DLGAP1: variants seen among roughly 807,000 people sequenced by gnomAD.
DLGAP1 encodes disks large-associated protein 1.
A neutral mutation model predicts 90.8 loss-of-function variants in DLGAP1; 11 were observed. The observed-to-expected ratio is 0.12, with a 90% CI of 0.08 to 0.20. The LOEUF (loss-of-function observed/expected upper bound fraction) is 0.20, where lower values mean the gene tolerates loss of function less well. Ranked by LOEUF, DLGAP1 falls within the 10% of genes least tolerant of loss-of-function variation. DLGAP1 has a pLI of 1.00. For synonymous variants in DLGAP1, 558 were observed against 540.7 expected, an observed-to-expected ratio of 1.03 and a Z score of -0.44; for missense variants, 1,050 against 1,333.8, an observed-to-expected ratio of 0.79 and a Z score of 3.31.
chr18:4,287,295 G>T (rs2145480648), intron 1 of DLGAP1, among the ~76,000 whole-genome samples: 1 of 152,258 alleles, frequency 6.6e-6, no homozygotes, highest in South Asian at 2.1e-4. Flanking sequence ...GCTTTTGTGT[G>T]GTGATTCCTC....
intron 2 of DLGAP1, among the ~76,000 whole-genome samples, chr18:4,112,141 T>C (rs1240681433): frequency 6.6e-6 from 1 of 152,064 alleles, no homozygotes; most frequent in Non-Finnish European, 1.5e-5. Context: ...TTAATTTTCA[T>C]TTCTTTCTAA....
intron 5 of DLGAP1, among the ~76,000 whole-genome samples, chr18:3,745,752 C>T (rs3786449): frequency 0.4 from 59,999 of 151,480 alleles, 13,458 homozygotes; most frequent in African/African-American, 0.62. Flanking sequence ...TGCAGTAGTG[C>T]GATCTCAGCT....
chr18:4,171,296 G>C (rs572350791), intron 1 of DLGAP1, among the ~76,000 whole-genome samples: 31 of 152,226 alleles, frequency 2.0e-4, no homozygotes, highest in African/African-American at 7.2e-4. Flanking sequence ...AGCACTTTGG[G>C]AGGCCACGGC....
chr18:3,590,377 C>T (rs573972764), intron 7 of DLGAP1, among the ~76,000 whole-genome samples: 9 of 152,254 alleles, frequency 5.9e-5, no homozygotes, highest in Admixed American at 5.2e-4. Context: ...TGTATTTACA[C>T]CATGGAAATC....
At chr18:4,133,251 A>T (rs1473554387) in intron 2 of DLGAP1, among the ~76,000 whole-genome samples, 1 of 152,194 alleles carries the variant, frequency 6.6e-6, no homozygotes, top group African/African-American at 2.4e-5. Flanking sequence ...AGCACATGCT[A>T]AGTCAAGGGC....
chr18:3,700,311 T>C (rs1405061488), intron 7 of DLGAP1, among the ~76,000 whole-genome samples: 2 of 152,184 alleles, frequency 1.3e-5, no homozygotes, highest in East Asian at 3.9e-4. Context: ...AAAAGCATAG[T>C]ATCTGAGCCG....
chr18:4,091,749 T>A (rs2075775659), intron 2 of DLGAP1, among the ~76,000 whole-genome samples: 1 of 152,244 alleles, frequency 6.6e-6, no homozygotes, highest in Non-Finnish European at 1.5e-5. Context: ...TCTGTGAAAT[T>A]CCGTATCTGT....
chr18:3,891,088 A>T (rs1335383273), intron 3 of DLGAP1, among the ~76,000 whole-genome samples: 1 of 152,086 alleles, frequency 6.6e-6, no homozygotes, highest in Non-Finnish European at 1.5e-5. Flanking sequence ...TTAACATTAC[A>T]CCTTCAACTT....
At chr18:3,576,906 A>G (rs1231154427) in intron 8 of DLGAP1, among the ~76,000 whole-genome samples, 1 of 148,110 alleles carries the variant, frequency 6.8e-6, no homozygotes, top group East Asian at 2.0e-4. Context: ...CTTGTTGCCC[A>G]GGCTGGAGTG....
chr18:3,938,308 GA>G (rs1001066547), intron 3 of DLGAP1, among the ~76,000 whole-genome samples: 1 of 152,106 alleles, frequency 6.6e-6, no homozygotes, highest in African/African-American at 2.4e-5. Flanking sequence ...GACTGCAGAT[GA>G]ACACATAATA....
chr18:4,318,191 A>G (rs16946437), intron 1 of DLGAP1, among the ~76,000 whole-genome samples: 19,757 of 152,188 alleles, frequency 0.13, 1,491 homozygotes, highest in East Asian at 0.22. Context: ...ATACCATAAT[A>G]CCCAAATATG....
At chr18:4,101,616 TA>T (rs2075779300) in intron 2 of DLGAP1, among the ~76,000 whole-genome samples, 1 of 151,336 alleles carries the variant, frequency 6.6e-6, no homozygotes, top group South Asian at 2.1e-4. Context: ...CTGCCAAGCA[TA>T]AAAAAGTGAC....
intron 7 of DLGAP1, among the ~76,000 whole-genome samples, chr18:3,646,199 C>T (rs1599704997): frequency 3.3e-5 from 5 of 152,022 alleles, no homozygotes; most frequent in Admixed American, 3.3e-4. Flanking sequence ...AGTTTGAGAC[C>T]AGCCTGGGCA....
At chr18:3,691,280 C>T (rs1598364789) in intron 7 of DLGAP1, among the ~76,000 whole-genome samples, 1 of 152,086 alleles carries the variant, frequency 6.6e-6, no homozygotes, top group Non-Finnish European at 1.5e-5. Flanking sequence ...GAAATCCCAT[C>T]TCCACTGCGT....
chr18:4,219,977 C>T (rs2078041772), intron 1 of DLGAP1, among the ~76,000 whole-genome samples: 1 of 151,942 alleles, frequency 6.6e-6, no homozygotes, highest in Admixed American at 6.6e-5. Flanking sequence ...TTTTGTGGTT[C>T]CATATAAATT....
rs564684630 is a variant in DLGAP1, at chr18:3,733,111, C to T, written c.1351-3736G>A. On this transcript the variant is annotated intron_variant, in intron 6 of 12. Coordinates refer to ENST00000315677, the MANE Select transcript of DLGAP1 (RefSeq NM_004746.4). The stretch of plus-strand genomic sequence containing the variant: ...CACAGAAAACATTATCAGTACTACC[C>T]CTGCCCACATATGATTAAAGAGCAA... Among the ~76,000 whole-genome samples, 3 of 152,264 alleles carry T rather than the reference C, an allele frequency of 2.0e-5. No individual in the cohort carries two copies. The East Asian group carries it at 5.8e-4, about 29-fold the overall frequency.
chr18:3,772,429 TCCTCCCTCCCTCCCTCCCCCCCACCCCCC>T (rs2064717394), intron 5 of DLGAP1, among the ~76,000 whole-genome samples: 2 of 83,542 alleles, frequency 2.4e-5, no homozygotes, highest in African/African-American at 8.2e-5. Context: ...TTTCCTTCCT[TCCTCCCTCCCTCCCTCCCCCCCACCCCCC>T]TCTTTCTTTC....
intron 5 of DLGAP1, among the ~76,000 whole-genome samples, chr18:3,796,686 G>A (rs988596356): frequency 9.2e-5 from 14 of 152,330 alleles, no homozygotes; most frequent in South Asian, 2.1e-4. Context: ...GCTGAAGTCA[G>A]CAGGAGATGG....
intron 5 of DLGAP1, among the ~76,000 whole-genome samples, chr18:3,756,248 G>A (rs1464879407): frequency 2.6e-5 from 4 of 151,936 alleles, no homozygotes; most frequent in South Asian, 4.2e-4. Flanking sequence ...ACGGGGTTTC[G>A]CCATGTTAGC....
Sources: gnomAD v4.1 joint callset for allele counts (sites outside exome capture counted in the v4.1 genomes callset) on GRCh38, gnomAD v4.1.1 for gene constraint, MANE v1.5 for transcripts, NCBI Gene and HGNC (gene_info 2026-07-23, HGNC 2026-07-21) for gene names.